The following TSPEAR variants were observed in gnomAD, a reference collection of about 807,000 sequenced individuals.
The protein encoded by TSPEAR is thrombospondin type laminin G domain and EAR repeats.
A neutral mutation model predicts 71.6 loss-of-function variants in TSPEAR; 69 were observed. That is an observed-to-expected ratio of 0.96 (90% CI 0.79 to 1.18). The LOEUF (loss-of-function observed/expected upper bound fraction) is 1.18, where lower values mean the gene tolerates loss of function less well. Among genes scored for constraint, TSPEAR ranks in the 50% most tolerant of loss-of-function variants. The probability of loss-of-function intolerance (pLI) is 0.00; values close to 1 mark genes in which losing one functional copy is unlikely to be tolerated. For missense variants in TSPEAR, 971 were observed against 894.9 expected (o/e 1.09, Z -1.09); for synonymous variants, 402 against 387.2 (o/e 1.04, Z -0.45).
intron 9 of TSPEAR, among the ~76,000 whole-genome samples, chr21:44,518,029 A>G (rs927186212): frequency 2.6e-5 from 4 of 152,174 alleles, no homozygotes; most frequent in Non-Finnish European, 5.9e-5. Flanking sequence ...ACATTCTAGA[A>G]GATACTCTTA....
rs149284001 is a variant in TSPEAR, at chr21:44,677,743, A to G, written c.82+33690T>C. 9.1e-5 allele frequency: 125 copies of G among 1,367,550 alleles called. No homozygotes were observed. In the African/African-American group the frequency reaches 1.5e-3, roughly 16 times the overall value. 84.7% of individuals were successfully genotyped at this position (1,367,550 alleles called of 1,614,324 possible). On this transcript the variant is annotated intron_variant, in intron 1 of 11. Transcript: ENST00000323084. ...TGTTTAAATTCTTTTGTTACTTCTGATACACTAGAGATTTTTAGTGGACCA... is the reference window on the plus strand; with the variant it reads ...TGTTTAAATTCTTTTGTTACTTCTGGTACACTAGAGATTTTTAGTGGACCA...
rs1555910881 is a variant in TSPEAR, at chr21:44,499,758, C to T, written c.*25G>A. ...GGGGTCCCGCCCCACCTGGCCACCC[C>T]AGTTGCTGCCGGGCAGCCGCGGCCT... On this transcript the variant is annotated 3_prime_UTR_variant, in exon 12 of 12. Transcript: ENST00000323084. The T allele has an allele frequency of 5.8e-6, 9 of 1,541,800 alleles. No homozygotes were observed. The highest frequency in any genetic ancestry group is 7.9e-6 in the Non-Finnish European group (9 of 1,144,646).
At chr21:44,662,851 A>G (rs1293746716) in intron 1 of TSPEAR, among the ~76,000 whole-genome samples, 1 of 152,218 alleles carries the variant, frequency 6.6e-6, no homozygotes, top group Non-Finnish European at 1.5e-5. Flanking sequence ...TAACCGACAC[A>G]CTTCTAAATA....
intron 2 of TSPEAR, among the ~76,000 whole-genome samples, chr21:44,562,142 G>A (rs992871652): frequency 6.6e-6 from 1 of 152,004 alleles, no homozygotes; most frequent in African/African-American, 2.4e-5. Flanking sequence ...GTCTCAGCAT[G>A]CAAAATCAAT....
At chr21:44,564,787 G>C (rs587652494) in intron 2 of TSPEAR, among the ~76,000 whole-genome samples, 1 of 151,760 alleles carries the variant, frequency 6.6e-6, no homozygotes, top group Non-Finnish European at 1.5e-5. Flanking sequence ...ATAAAGTCTA[G>C]CAGACACCTT....
chr21:44,676,528 TC>T, intron 1 of TSPEAR: 1 of 756,652 alleles, frequency 1.3e-6, no homozygotes, highest in Non-Finnish European at 2.4e-6. Flanking sequence ...GGTATTTATA[TC>T]CAGAGTAAAG....
intron 1 of TSPEAR, among the ~76,000 whole-genome samples, chr21:44,570,302 C>T (rs587597651): frequency 3.9e-5 from 6 of 152,356 alleles, no homozygotes; most frequent in African/African-American, 9.6e-5. Flanking sequence ...TTCCTGGCTC[C>T]GGACCCCACG....
At chr21:44,694,047 G>T (rs782339596) in intron 1 of TSPEAR, among the ~76,000 whole-genome samples, 2 of 152,106 alleles carry the variant, frequency 1.3e-5, no homozygotes. Flanking sequence ...GACACAAAAA[G>T]CAATCAAATC....
chr21:44,658,234 C>T, intron 1 of TSPEAR: 1 of 1,614,126 alleles, frequency 6.2e-7, no homozygotes, highest in Middle Eastern at 1.6e-4. Context: ...CTGCCCTCTG[C>T]AGACCCATCT....
intron 1 of TSPEAR, among the ~76,000 whole-genome samples, chr21:44,645,295 A>C (rs1984251854): frequency 1.3e-5 from 2 of 152,030 alleles, no homozygotes; most frequent in South Asian, 4.2e-4. Flanking sequence ...TGGATCCACC[A>C]GCTACTGAAT....
intron 1 of TSPEAR, chr21:44,591,302 T>A: frequency 6.6e-7 from 1 of 1,506,594 alleles, no homozygotes; most frequent in Admixed American, 2.2e-5. Flanking sequence ...TCTGAGGGTG[T>A]CAAAGCCAGA....
At chr21:44,509,136 A>G in intron 10 of TSPEAR, 63 bp downstream of exon 10, 2 of 1,550,648 alleles carry the variant, frequency 1.3e-6, no homozygotes, top group Non-Finnish European at 1.8e-6. Context: ...CCTAACGGGG[A>G]TTCCGACATG....
At chr21:44,510,296 G>A (rs890758185) in intron 9 of TSPEAR, among the ~76,000 whole-genome samples, 2 of 152,218 alleles carry the variant, frequency 1.3e-5, no homozygotes, top group East Asian at 1.9e-4. Flanking sequence ...AGCTGAGGAC[G>A]GAGCCGGTCA....
intron 1 of TSPEAR, chr21:44,677,768 A>G: frequency 1.5e-6 from 2 of 1,335,512 alleles, no homozygotes; most frequent in Non-Finnish European, 2.2e-6. Flanking sequence ...TTAGTGGACC[A>G]GACTGAGTTG....
rs587628558 is a variant in TSPEAR, at chr21:44,578,480, A to G, written c.83-10475T>C. Among the ~76,000 whole-genome samples the G allele has an allele frequency of 6.6e-4, 100 of 152,298 alleles. 1 individual carries two copies. The South Asian group carries it at 0.02, about 31-fold the overall frequency. Reference sequence around the variant, plus strand: ...AGCATTTAGGGGAGAAATAATGCCAATCTAACCCAAACTTTTCCAGAAAAC... The same window carrying G: ...AGCATTTAGGGGAGAAATAATGCCAGTCTAACCCAAACTTTTCCAGAAAAC... On this transcript the variant is annotated intron_variant, in intron 1 of 11. Coordinates refer to ENST00000323084, the MANE Select transcript of TSPEAR (RefSeq NM_144991.3).
At position 44,642,222 on chromosome 21, in the gene TSPEAR, A is replaced by G. The variant is rs587762495; in HGVS notation, c.82+69211T>C. On this transcript the variant is annotated intron_variant, in intron 1 of 11. Transcript: ENST00000323084. This position sits in a 1 kb window ranked among gnomAD's most constrained non-coding sequence, Gnocchi z 4.1. ...AAATTTTAATACAATGATATCCAGG[A>G]AAATATGGAAATGGTATTGAAAAAG... Among the ~76,000 whole-genome samples, 24 of 152,340 alleles carry G rather than the reference A, an allele frequency of 1.6e-4. No homozygotes were observed. The South Asian group carries it at 4.3e-3, about 28-fold the overall frequency.
intron 1 of TSPEAR, chr21:44,658,113 G>A (rs1555942922): frequency 1.2e-6 from 2 of 1,613,398 alleles, no homozygotes; most frequent in African/African-American, 2.7e-5. Context: ...CGCATTGTGT[G>A]CGTGGCTCCC....
At chr21:44,513,615 T>C (rs1468646122) in intron 9 of TSPEAR, among the ~76,000 whole-genome samples, 2 of 152,146 alleles carry the variant, frequency 1.3e-5, no homozygotes, top group African/African-American at 4.8e-5. Context: ...TTCCGGGACT[T>C]GGCAGCCAGG....
intron 1 of TSPEAR, among the ~76,000 whole-genome samples, chr21:44,603,380 G>A (rs1424576256): frequency 2.6e-5 from 4 of 152,196 alleles, no homozygotes; most frequent in African/African-American, 9.7e-5. Context: ...GCACCAAGGG[G>A]ACCCTGTGGT....
Sources: allele counts gnomAD v4.1 joint callset (sites outside exome capture counted in the v4.1 genomes callset), GRCh38; gene constraint gnomAD v4.1.1; non-coding constraint Gnocchi (gnomAD v3.1); transcripts MANE v1.5; gene names NCBI Gene and HGNC (gene_info 2026-07-23, HGNC 2026-07-21).